EPHA6: variants seen among roughly 807,000 people sequenced by gnomAD.
The protein encoded by EPHA6 is ephrin type-A receptor 6.
In EPHA6, 50 loss-of-function variants were observed where a neutral mutation model predicts 112.0. That is an observed-to-expected ratio of 0.45 (90% CI 0.36 to 0.56). EPHA6 has a LOEUF of 0.56. Ranked by LOEUF, EPHA6 falls within the 20% of genes least tolerant of loss-of-function variation. The probability of loss-of-function intolerance (pLI) is 0.00; values close to 1 mark genes in which losing one functional copy is unlikely to be tolerated. For missense variants in EPHA6, 1,280 were observed against 1,417.4 expected (o/e 0.90, Z 1.56); for synonymous variants, 529 against 490.7 (o/e 1.08, Z -1.03).
rs555886890 is a variant in EPHA6, at chr3:97,346,140, C to A, written c.1607-59010C>A. 2.0e-5 allele frequency among the ~76,000 whole-genome samples: 3 copies of A among 152,084 alleles called. No homozygotes were observed. In the South Asian group the frequency reaches 6.2e-4, roughly 32 times the overall value. ...ATCCTGTCCTTTTACTTTGCATAAT[C>A]CAGTTCATCAACTAATGAATTGTAA... On this transcript the variant is annotated intron_variant, in intron 5 of 17. Transcript: ENST00000389672.
rs189652080 is a variant in EPHA6 at position 97,220,356 on chromosome 3, G to A, written c.1115-5908G>A. ...TTCCAAAGACGCTTCCACACTTTTG[G>A]TATCTTTATAACAGTACCCCACTCT... On this transcript the variant is annotated intron_variant, in intron 3 of 17. Coordinates refer to ENST00000389672, the MANE Select transcript of EPHA6 (RefSeq NM_001080448.3). 9.2e-5 allele frequency among the ~76,000 whole-genome samples: 14 copies of A among 152,130 alleles called. No homozygotes were observed. The East Asian group carries it at 2.7e-3, about 29-fold the overall frequency.
At chr3:96,914,653 A>G (rs1040227571) in intron 2 of EPHA6, among the ~76,000 whole-genome samples, 6 of 152,192 alleles carry the variant, frequency 3.9e-5, no homozygotes, top group South Asian at 2.1e-4. Flanking sequence ...TTTAGTAGAG[A>G]AAATCCTGTT....
At chr3:97,424,158 T>C (rs1392799575) in intron 6 of EPHA6, among the ~76,000 whole-genome samples, 1 of 152,204 alleles carries the variant, frequency 6.6e-6, no homozygotes, top group African/African-American at 2.4e-5. Flanking sequence ...AGTTTGTGCA[T>C]AGGAACTCTC....
intron 10 of EPHA6, among the ~76,000 whole-genome samples, chr3:97,517,252 A>C (rs1167470541): frequency 2.0e-5 from 3 of 152,248 alleles, no homozygotes; most frequent in African/African-American, 7.2e-5. Flanking sequence ...TGGGTTTATC[A>C]CTTATTGAAG....
At chr3:97,730,989 T>C (rs1483673562) in intron 15 of EPHA6, among the ~76,000 whole-genome samples, 1 of 152,072 alleles carries the variant, frequency 6.6e-6, no homozygotes, top group Non-Finnish European at 1.5e-5. Flanking sequence ...ATTTCAGATG[T>C]GGGAGGAACA....
intron 3 of EPHA6, among the ~76,000 whole-genome samples, chr3:97,202,343 T>C (rs557105314): frequency 6.6e-6 from 1 of 150,766 alleles, no homozygotes; most frequent in South Asian, 2.1e-4. Context: ...TATTAAGGTA[T>C]ATTAAAATCT....
chr3:97,389,908 T>G (rs1424429330), intron 5 of EPHA6, among the ~76,000 whole-genome samples: 2 of 152,058 alleles, frequency 1.3e-5, no homozygotes, highest in East Asian at 3.9e-4. Flanking sequence ...GAACATGAAG[T>G]TGAAATTATG....
intron 5 of EPHA6, among the ~76,000 whole-genome samples, chr3:97,277,175 G>T (rs548596685): frequency 1.4e-4 from 22 of 152,294 alleles, no homozygotes; most frequent in African/African-American, 4.8e-4. Flanking sequence ...CTTTGTGTGA[G>T]CAACAAGGCT....
intron 3 of EPHA6, among the ~76,000 whole-genome samples, chr3:97,152,417 A>ATAT (rs773077791): frequency 6.7e-6 from 1 of 149,580 alleles, no homozygotes; most frequent in Non-Finnish European, 1.5e-5. Flanking sequence ...GTATAAACTA[A>ATAT]TATTATTATT....
At chr3:96,831,296 G>A (rs1036647045) in intron 1 of EPHA6, among the ~76,000 whole-genome samples, 1 of 152,034 alleles carries the variant, frequency 6.6e-6, no homozygotes, top group Non-Finnish European at 1.5e-5. Context: ...TGATTAATGA[G>A]CAGTAATGAA....
chr3:97,050,298 G>A lies in EPHA6; in HGVS notation c.1114+62305G>A, dbSNP rs373313689. ...ATTGTGCCCAAGAAGCCTTGACTAG[G>A]AAGAAGATTTCACGAAAGAGGTAAG... On this transcript the variant is annotated intron_variant, in intron 3 of 17. Coordinates refer to ENST00000389672, the MANE Select transcript of EPHA6 (RefSeq NM_001080448.3). Among the ~76,000 whole-genome samples, 82 of 152,228 alleles carry A rather than the reference G, an allele frequency of 5.4e-4. 1 individual carries two copies. Among genetic ancestry groups the A allele is most frequent in the Middle Eastern group, 6.8e-3 (2 of 292 alleles).
At chr3:97,461,070 A>G (rs994836663) in intron 7 of EPHA6, among the ~76,000 whole-genome samples, 4 of 152,214 alleles carry the variant, frequency 2.6e-5, no homozygotes, top group Non-Finnish European at 4.4e-5. Flanking sequence ...TTCGAAGTTA[A>G]CTATCACCAT....
chr3:97,341,950 CA>C (rs1198718032), intron 5 of EPHA6, among the ~76,000 whole-genome samples: 1 of 151,580 alleles, frequency 6.6e-6, no homozygotes, highest in African/African-American at 2.4e-5. Context: ...CATTGTAGAA[CA>C]AAAAAATGTA....
intron 3 of EPHA6, among the ~76,000 whole-genome samples, chr3:97,095,371 C>T (rs1038324936): frequency 2.0e-5 from 3 of 151,796 alleles, no homozygotes; most frequent in Non-Finnish European, 4.4e-5. Flanking sequence ...TTAATGAGTG[C>T]AGCACACCAA....
intron 3 of EPHA6, among the ~76,000 whole-genome samples, chr3:97,170,875 C>T (rs988341141): frequency 6.6e-6 from 1 of 152,156 alleles, no homozygotes; most frequent in African/African-American, 2.4e-5. Context: ...AGGTGTTCCT[C>T]AAGTTAAAAT....
chr3:97,454,984 A>G (rs930175719), intron 7 of EPHA6, among the ~76,000 whole-genome samples: 9 of 152,002 alleles, frequency 5.9e-5, no homozygotes, highest in Non-Finnish European at 1.2e-4. Context: ...AGTAATCTCC[A>G]GTCAATAGCA....
rs192489395 is a variant in EPHA6 at position 97,653,748 on chromosome 3, A to C, written c.2784+15666A>C. Among the ~76,000 whole-genome samples, 23 of 152,100 alleles carry C rather than the reference A, an allele frequency of 1.5e-4. No individual in the cohort carries two copies. In the East Asian group the frequency reaches 4.3e-3, roughly 28 times the overall value. On this transcript the variant is annotated intron_variant, in intron 14 of 17. Coordinates refer to ENST00000389672, the MANE Select transcript of EPHA6 (RefSeq NM_001080448.3). ...TTCAAAATAGCCAAGATATAAAAACAACCTAAATATTTCTTTTTGAATGAA... is the reference window on the plus strand; with the variant it reads ...TTCAAAATAGCCAAGATATAAAAACCACCTAAATATTTCTTTTTGAATGAA...
chr3:97,263,657 TAA>T (rs1438288997), intron 5 of EPHA6, among the ~76,000 whole-genome samples: 2 of 152,092 alleles, frequency 1.3e-5, no homozygotes, highest in Admixed American at 1.3e-4. Context: ...ATAAAAATAT[TAA>T]GTCACAGAAT....
chr3:97,343,154 T>G (rs1027965827), intron 5 of EPHA6, among the ~76,000 whole-genome samples: 2 of 152,144 alleles, frequency 1.3e-5, no homozygotes, highest in African/African-American at 4.8e-5. Context: ...CATAAATAAT[T>G]ATGTATAGAA....
Sources: gnomAD v4.1 joint callset for allele counts (sites outside exome capture counted in the v4.1 genomes callset) on GRCh38, gnomAD v4.1.1 for gene constraint, MANE v1.5 for transcripts, NCBI Gene and HGNC (gene_info 2026-07-23, HGNC 2026-07-21) for gene names.